The following AGT variants were observed in gnomAD, a reference collection of about 807,000 sequenced individuals.
AGT encodes alpha-1 antiproteinase, antitrypsin.
AGT carries 26 observed loss-of-function variants against 28.1 expected under a neutral mutation model. The ratio of observed to expected loss-of-function variants is 0.92; its 90% CI spans 0.68 to 1.28. The LOEUF (loss-of-function observed/expected upper bound fraction) is 1.28. Ranked by LOEUF, AGT falls within the 50% of genes most tolerant of loss-of-function variation. AGT has a pLI of 0.00. For missense variants in AGT, 596 were observed against 592.3 expected, an observed-to-expected ratio of 1.01 and a Z score of -0.06; for synonymous variants, 259 against 259.6, an observed-to-expected ratio of 1.00 and a Z score of 0.02.
chr1:230,721,942 G>C (rs562031146), intron 1 of AGT, among the ~76,000 whole-genome samples: 1 of 152,362 alleles, frequency 6.6e-6, no homozygotes, highest in East Asian at 1.9e-4. Context: ...TAAGTAATGA[G>C]AAGCCAAATG....
intron 1 of AGT, among the ~76,000 whole-genome samples, chr1:230,743,557 C>T (rs1303781706): frequency 6.6e-6 from 1 of 152,252 alleles, no homozygotes; most frequent in Non-Finnish European, 1.5e-5. Context: ...TCTCCACCCT[C>T]CTCGCCAGCC....
At chr1:230,736,797 G>A (rs190171895) in intron 1 of AGT, among the ~76,000 whole-genome samples, 32 of 152,256 alleles carry the variant, frequency 2.1e-4, no homozygotes, top group Non-Finnish European at 2.4e-4. Context: ...GCTGGGCTTC[G>A]ATCCCTTAAA....
chr1:230,723,433 C>T (rs1028289129), intron 1 of AGT, among the ~76,000 whole-genome samples: 2 of 152,192 alleles, frequency 1.3e-5, no homozygotes, highest in Non-Finnish European at 2.9e-5. Flanking sequence ...TTCTATTAAG[C>T]ACAGTATATT....
At position 230,708,053 on chromosome 1, in the gene AGT, C is replaced by G. The variant is rs367939195; in HGVS notation, c.830-1853G>C. On this transcript the variant is annotated intron_variant, in intron 2 of 4. Coordinates refer to ENST00000366667, the MANE Select transcript of AGT (RefSeq NM_001384479.1). ...TTGCTAAAGGGAAACCTAGAGGTCC[C>G]GAGACAGCCCCCGATCTCCTCACTG... Among the ~76,000 whole-genome samples, 10 of 152,268 alleles carry G rather than the reference C, an allele frequency of 6.6e-5. No homozygotes were observed. In the South Asian group the frequency reaches 2.1e-3, roughly 32 times the overall value.
intron 2 of AGT, 126 bp from the exon 3 acceptor site, chr1:230,706,326 C>A (rs939511968): frequency 2.2e-5 from 24 of 1,068,740 alleles, no homozygotes; most frequent in African/African-American, 4.8e-5. Flanking sequence ...CTTGGCCCCC[C>A]CCAGGCCACT....
At chr1:230,707,273 G>A (rs953844592) in intron 2 of AGT, among the ~76,000 whole-genome samples, 3 of 152,164 alleles carry the variant, frequency 2.0e-5, no homozygotes, top group African/African-American at 4.8e-5. Flanking sequence ...CCCTGCCCTC[G>A]GCTGTCCTCC....
chr1:230,728,072 G>T (rs1663977904), intron 1 of AGT, among the ~76,000 whole-genome samples: 1 of 152,140 alleles, frequency 6.6e-6, no homozygotes, highest in South Asian at 2.1e-4. Flanking sequence ...CAATCATAGG[G>T]GTGTGGAAAA....
At position 230,705,983 on chromosome 1, in the gene AGT, A is replaced by G. The variant is rs1663373202; in HGVS notation, c.1047T>C (p.Gly349=). 1 of 1,613,906 alleles carries G rather than the reference A, an allele frequency of 6.2e-7. No homozygotes were observed. Among genetic ancestry groups the G allele is most frequent in the Non-Finnish European group, 8.5e-7 (1 of 1,179,980 alleles). ...HYASDLDKVE[G]LTFQQNSLNW... ...TGAGGGAGTTTTGCTGGAAAGTGAGACCCTCCACCTTGTCCAGGTCAGAGG... is the reference window on the plus strand; with the variant it reads ...TGAGGGAGTTTTGCTGGAAAGTGAGGCCCTCCACCTTGTCCAGGTCAGAGG... The change falls in exon 3 of 5, where the codon GGT becomes GGC. Residue 349 remains glycine (G), a synonymous_variant. Transcript: ENST00000366667.
In AGT at chr1:230,710,264, C is replaced by G. The variant is rs1482706323; in HGVS notation, c.560G>C (p.Arg187Thr). The G allele has an allele frequency of 2.5e-6, 4 of 1,613,686 alleles. No individual in the cohort carries two copies. The African/African-American group carries it at 4.0e-5, about 16-fold the overall frequency. ...CAGCAGCTGGGCCTGGCTATCAGCC[C>G]TGCCCTGGGCCACTAGCAGGCCCTG... ...AVQGLLVAQG[R>T]ADSQAQLLLS... The change falls in exon 2 of 5, where the codon AGG becomes ACG. Residue 187 changes from arginine (R) to threonine (T), a missense_variant. By Grantham distance (71) the Arg-to-Thr change is moderately conservative. Coordinates refer to ENST00000366667, the MANE Select transcript of AGT (RefSeq NM_001384479.1).
At position 230,739,088 on chromosome 1, in the gene AGT, T is replaced by C. The variant is rs1664198800; in HGVS notation, c.-31+6427A>G. 2.0e-5 allele frequency among the ~76,000 whole-genome samples: 3 copies of C among 152,122 alleles called. No homozygotes were observed. In the South Asian group the frequency reaches 6.2e-4, roughly 32 times the overall value. On this transcript the variant is annotated intron_variant, in intron 1 of 4. Coordinates refer to the AGT transcript ENST00000681269. ...TTAAACATAATAAGGCCAGGTGCAG[T>C]GGCTCACATCTGTAACCCCAGCACT...
intron 1 of AGT, among the ~76,000 whole-genome samples, chr1:230,722,768 C>A (rs570675145): frequency 2.0e-5 from 3 of 152,326 alleles, no homozygotes; most frequent in Admixed American, 1.3e-4. Flanking sequence ...TTGGAAGTAA[C>A]TAACTTGCTT....
intron 1 of AGT, among the ~76,000 whole-genome samples, chr1:230,732,769 A>T (rs1244841953): frequency 6.6e-6 from 1 of 152,222 alleles, no homozygotes; most frequent in Non-Finnish European, 1.5e-5. Flanking sequence ...TATCATCTTC[A>T]GGTTGAGTAG....
At chr1:230,742,378 C>T (rs560954527) in intron 1 of AGT, among the ~76,000 whole-genome samples, 2 of 152,128 alleles carry the variant, frequency 1.3e-5, no homozygotes. Flanking sequence ...TGCAGTAGCA[C>T]CATCTCGGCT....
intron 1 of AGT, among the ~76,000 whole-genome samples, chr1:230,713,204 AT>A (rs1409271536): frequency 6.6e-6 from 1 of 152,178 alleles, no homozygotes; most frequent in East Asian, 1.9e-4. Context: ...TCTGATGTGA[AT>A]GTGAGCCCCG....
upstream of AGT, among the ~76,000 whole-genome samples, chr1:230,718,369 G>T (rs1026628340): frequency 1.3e-5 from 2 of 152,144 alleles, no homozygotes; most frequent in Admixed American, 6.5e-5. Context: ...TCATCTCACA[G>T]TTACTCATTT....
In AGT at chr1:230,728,042, C is replaced by T. The variant is rs903259799; in HGVS notation, c.-30-17189G>A. On this transcript the variant is annotated intron_variant, in intron 1 of 4. Transcript: ENST00000681269. ...TAGGCAGGTGGCTAGAGAACAGATG[C>T]TGCTGATTGGTTGGAGATGCAATCA... 2.0e-5 allele frequency among the ~76,000 whole-genome samples: 3 copies of T among 152,144 alleles called. No individual in the cohort carries two copies. The East Asian group carries it at 5.8e-4, about 29-fold the overall frequency.
At chr1:230,705,024 G>A (rs1663339479) in intron 3 of AGT, among the ~76,000 whole-genome samples, 1 of 152,188 alleles carries the variant, frequency 6.6e-6, no homozygotes, top group African/African-American at 2.4e-5. Flanking sequence ...TCAAAAGGAA[G>A]GACATTCTGA....
chr1:230,730,230 T>G (rs1027229386), intron 1 of AGT, among the ~76,000 whole-genome samples: 14 of 151,166 alleles, frequency 9.3e-5, no homozygotes, highest in South Asian at 4.2e-4. Context: ...TATTTTTTTG[T>G]TTTGTTTTGT....
At position 230,710,797 on chromosome 1, in the gene AGT, C is replaced by T; in HGVS notation, c.27G>A (p.Arg9=). The T allele has an allele frequency of 6.2e-7, 1 of 1,614,080 alleles. No individual in the cohort carries two copies. The highest frequency in any genetic ancestry group is 8.5e-7 in the Non-Finnish European group (1 of 1,180,020). The change falls in exon 2 of 5, where the codon AGG becomes AGA. Residue 9 remains arginine, a synonymous_variant. Coordinates refer to ENST00000366667, the MANE Select transcript of AGT (RefSeq NM_001384479.1). Reference sequence around the variant, plus strand: ...AGGCCAGGAGGCAGAGGATGGTGGCCCTCAGGCTCACACCGGCAGGAGCCA... The same window carrying T: ...AGGCCAGGAGGCAGAGGATGGTGGCTCTCAGGCTCACACCGGCAGGAGCCA... The part of the protein sequence containing the change: MAPAGVSL[R]ATILCLLAWA...
Sources: allele counts gnomAD v4.1 joint callset (sites outside exome capture counted in the v4.1 genomes callset), GRCh38; gene constraint gnomAD v4.1.1; transcripts MANE v1.5; gene names NCBI Gene and HGNC (gene_info 2026-07-23, HGNC 2026-07-21).